Variants in XIRP2 observed in about 807,000 individuals in gnomAD.
XIRP2 encodes the protein xin actin-binding repeat-containing protein 2.
Under a neutral mutation model 277.0 loss-of-function variants are expected in XIRP2, and 236 were observed. That is an observed-to-expected ratio of 0.85 (90% CI 0.77 to 0.95). XIRP2 has a LOEUF of 0.95. Among genes scored for constraint, XIRP2 ranks in the 40% least tolerant of loss-of-function variants. XIRP2 has a pLI of 0.00. For missense variants in XIRP2, 4,640 were observed against 4,157.5 expected (o/e 1.12, Z -3.19); for synonymous variants, 1,490 against 1,416.5 (o/e 1.05, Z -1.17).
At position 167,248,037 on chromosome 2, in the gene XIRP2, A is replaced by G; in HGVS notation, c.6645A>G (p.Val2215=). ...AACCAATGTGGCAGCTTTTGCCTGT[A>G]GAGCAAGACACATCCAATGTAACAG... The part of the protein sequence containing the change: ...NLQPMWQLLP[V]EQDTSNVTEM... Residue 2215 remains valine (V), a synonymous_variant, in exon 9 of 11, where the codon GTA becomes GTG. Transcript: ENST00000409195. 1 of 1,613,702 alleles carries G rather than the reference A, an allele frequency of 6.2e-7. No individual in the cohort carries two copies. Among genetic ancestry groups the G allele is most frequent in the Non-Finnish European group, 8.5e-7 (1 of 1,179,772 alleles).
At chr2:166,930,524 G>T (rs1333511452) in intron 2 of XIRP2, among the ~76,000 whole-genome samples, 1 of 152,088 alleles carries the variant, frequency 6.6e-6, no homozygotes, top group Non-Finnish European at 1.5e-5. Context: ...TCAATAAATT[G>T]TTGAATATGC....
chr2:167,220,459 C>T (rs74912641), intron 5 of XIRP2, among the ~76,000 whole-genome samples: 2,195 of 152,300 alleles, frequency 0.014, 55 homozygotes, highest in African/African-American at 0.05. Context: ...AAGTGCTTAA[C>T]ACATTGCCTG....
intron 3 of XIRP2, chr2:167,187,309 G>C: frequency 1.0e-6 from 1 of 985,306 alleles, no homozygotes; most frequent in Non-Finnish European, 1.2e-6. Context: ...CTAAAAATAG[G>C]TGCCAAGTTG....
chr2:167,200,000 T>C (rs2105375530), intron 3 of XIRP2, among the ~76,000 whole-genome samples: 1 of 152,326 alleles, frequency 6.6e-6, no homozygotes, highest in East Asian at 1.9e-4. Context: ...TAGAATGATA[T>C]GAAATTTTTG....
intron 3 of XIRP2, among the ~76,000 whole-genome samples, chr2:167,166,789 A>T (rs567743771): frequency 6.6e-6 from 1 of 152,312 alleles, no homozygotes; most frequent in South Asian, 2.1e-4. Flanking sequence ...ACCTTCCACG[A>T]GGCCTCAACA....
Position 167,215,076 on chromosome 2 carries a change from A to C in XIRP2, c.724-3090A>C, listed in dbSNP as rs1694203369. Among the ~76,000 whole-genome samples, 3 of 152,300 alleles carry C rather than the reference A, an allele frequency of 2.0e-5. 1 individual carries two copies. The South Asian group carries it at 6.2e-4, about 32-fold the overall frequency. On this transcript the variant is annotated intron_variant, in intron 4 of 10. Coordinates refer to ENST00000409195, the MANE Select transcript of XIRP2 (RefSeq NM_152381.6). ...CTTAATAATTACCTTAATGTCTATAATTTGATACTTATAGATTATCTATAT... is the reference window on the plus strand; with the variant it reads ...CTTAATAATTACCTTAATGTCTATACTTTGATACTTATAGATTATCTATAT...
chr2:167,239,529 C>T (rs1297817151), intron 5 of XIRP2, among the ~76,000 whole-genome samples: 2 of 152,082 alleles, frequency 1.3e-5, no homozygotes, highest in African/African-American at 4.8e-5. Flanking sequence ...GGCTGTTAGC[C>T]CAGGGAAGTG....
At chr2:167,237,163 T>C (rs948560418) in intron 5 of XIRP2, among the ~76,000 whole-genome samples, 2 of 152,204 alleles carry the variant, frequency 1.3e-5, no homozygotes, top group Non-Finnish European at 2.9e-5. Context: ...TTGTACTGTT[T>C]ATTTTGTGTC....
chr2:167,057,942 A>G (rs1227202119), intron 2 of XIRP2, among the ~76,000 whole-genome samples: 2 of 152,092 alleles, frequency 1.3e-5, no homozygotes, highest in Non-Finnish European at 2.9e-5. Context: ...AAAAAGAAAA[A>G]GAACTTCTAA....
chr2:167,132,909 C>T (rs1056043103), intron 2 of XIRP2, among the ~76,000 whole-genome samples: 10 of 152,146 alleles, frequency 6.6e-5, no homozygotes, highest in Non-Finnish European at 1.5e-4. Flanking sequence ...GGCTTCGTTA[C>T]TATTTGCCTC....
Position 167,245,590 on chromosome 2 carries a change from T to G in XIRP2, c.4198T>G (p.Ser1400Ala). The G allele has an allele frequency of 6.2e-7, 1 of 1,613,688 alleles. No individual in the cohort carries two copies. Residue 1400 changes from serine (S) to alanine (A), a missense_variant, in exon 9 of 11, where the codon TCT (serine) becomes GCT (alanine). Coordinates refer to ENST00000409195, the MANE Select transcript of XIRP2 (RefSeq NM_152381.6). The part of the protein sequence containing the change: ...RFETQPLDQI[S>A]EESHNIMPSI... ...TGAAACTCAGCCACTGGATCAGATT[T>G]CTGAAGAATCACATAATATTATGCC... is the stretch of plus-strand genomic sequence containing the variant.
chr2:167,028,318 A>T (rs954347618), intron 2 of XIRP2, among the ~76,000 whole-genome samples: 1 of 152,052 alleles, frequency 6.6e-6, no homozygotes, highest in African/African-American at 2.4e-5. Flanking sequence ...AATGTTAGTG[A>T]CATGGCATGC....
chr2:167,198,211 A>G (rs1693575578), intron 3 of XIRP2, among the ~76,000 whole-genome samples: 1 of 152,210 alleles, frequency 6.6e-6, no homozygotes, highest in Non-Finnish European at 1.5e-5. Flanking sequence ...TCATTAGGAA[A>G]CTGACATCAT....
At chr2:166,899,408 G>C (rs1684320890) in intron 1 of XIRP2, among the ~76,000 whole-genome samples, 2 of 151,926 alleles carry the variant, frequency 1.3e-5, no homozygotes, top group Admixed American at 1.3e-4. Flanking sequence ...AAATACAAAA[G>C]GAGAAAAATA....
intron 2 of XIRP2, among the ~76,000 whole-genome samples, chr2:167,119,129 A>G (rs957956373): frequency 6.6e-6 from 1 of 152,192 alleles, no homozygotes; most frequent in Non-Finnish European, 1.5e-5. Context: ...GTTGAAGAGC[A>G]AGTGAGAAGT....
chr2:166,925,615 ATATATATATATACATATAAG>A (rs1238708684), intron 2 of XIRP2, among the ~76,000 whole-genome samples: 1 of 143,776 alleles, frequency 7.0e-6, no homozygotes, highest in African/African-American at 2.6e-5. Flanking sequence ...ATATATATAT[ATATATATATATACATATAAG>A]TATATATATA....
At chr2:166,995,602 TTAAAGA>T (rs527660548) in intron 2 of XIRP2, among the ~76,000 whole-genome samples, 51 of 152,320 alleles carry the variant, frequency 3.3e-4, no homozygotes, top group African/African-American at 1.1e-3. Flanking sequence ...TACTATAAAA[TTAAAGA>T]TAGACTATTA....
chr2:167,161,558 T>A (rs1692363419), intron 3 of XIRP2, among the ~76,000 whole-genome samples: 1 of 152,216 alleles, frequency 6.6e-6, no homozygotes, highest in Non-Finnish European at 1.5e-5. Context: ...AGGCTCTATG[T>A]TGGCCCCTTC....
At chr2:166,949,673 C>T (rs1021921370) in intron 2 of XIRP2, among the ~76,000 whole-genome samples, 2 of 152,046 alleles carry the variant, frequency 1.3e-5, no homozygotes, top group African/African-American at 4.8e-5. Context: ...CAATCTATCA[C>T]CAACTGTGAT....
Sources: allele counts gnomAD v4.1 joint callset (sites outside exome capture counted in the v4.1 genomes callset), GRCh38; gene constraint gnomAD v4.1.1; transcripts MANE v1.5; gene names NCBI Gene and HGNC (gene_info 2026-07-23, HGNC 2026-07-21).